COL10A1: variants seen among roughly 807,000 people sequenced by gnomAD.
The protein encoded by COL10A1 is collagen type X alpha 1 chain, also known as collagen alpha-1(X) chain.
Under a neutral mutation model 18.2 loss-of-function variants are expected in COL10A1, and 10 were observed. The observed-to-expected ratio is 0.55, with a 90% confidence interval of 0.34 to 0.93. COL10A1 has a LOEUF of 0.93. Ranked by LOEUF, COL10A1 falls within the 40% of genes least tolerant of loss-of-function variation. COL10A1 has a pLI of 0.02. For synonymous variants in COL10A1, 330 were observed against 316.6 expected (o/e 1.04, Z -0.45); for missense variants, 897 against 853.5 (o/e 1.05, Z -0.64).
intron 1 of COL10A1, chr6:116,125,713 A>T: frequency 2.5e-6 from 1 of 402,102 alleles, no homozygotes; most frequent in Non-Finnish European, 4.5e-6. Flanking sequence ...ATACTCAGGT[A>T]ATCAAGTGAA....
At position 116,125,499 on chromosome 6, in the gene COL10A1, A is replaced by C; in HGVS notation, c.-7T>G. Reference sequence around the variant, plus strand: ...AGGGTATTTGTGGCAGCATATTCTCAGATGGATTCTGAAAAACAGAAAAGA... The same window carrying C: ...AGGGTATTTGTGGCAGCATATTCTCCGATGGATTCTGAAAAACAGAAAAGA... On this transcript the variant is annotated 5_prime_UTR_variant, in exon 2 of 3. Coordinates refer to ENST00000651968, the MANE Select transcript of COL10A1 (RefSeq NM_000493.4). 2 of 1,613,524 alleles carry C rather than the reference A, an allele frequency of 1.2e-6. No individual in the cohort carries two copies. Among genetic ancestry groups the C allele is most frequent in the Non-Finnish European group, 8.5e-7 (1 of 1,179,560 alleles).
At chr6:116,124,895 A>G (rs1779246857) in intron 2 of COL10A1, among the ~76,000 whole-genome samples, 1 of 152,136 alleles carries the variant, frequency 6.6e-6, no homozygotes. Context: ...TCGGTTTTAT[A>G]TCTGTTTGTG....
chr6:116,141,755 TTTTG>T (rs749522551), intron 1 of COL10A1, among the ~76,000 whole-genome samples: 5 of 151,226 alleles, frequency 3.3e-5, no homozygotes, highest in Non-Finnish European at 5.9e-5. Context: ...CATTTTCTTC[TTTTG>T]TTTTTTTTTT....
At position 116,120,442 on chromosome 6, in the gene COL10A1, G is replaced by A; in HGVS notation, c.1674C>T (p.Leu558=). Reference sequence around the variant, plus strand: ...TTCCTATTGCTGGGTAAGCTTTGGAGAGAATAACAGTAAAAGCAGACACAG... The same window carrying A: ...TTCCTATTGCTGGGTAAGCTTTGGAAAGAATAACAGTAAAAGCAGACACAG... The part of the protein sequence containing the change: ...GMPVSAFTVI[L]SKAYPAIGTP... The change falls in exon 3 of 3, where the codon CTC becomes CTT. Residue 558 remains leucine, a synonymous_variant. Transcript: ENST00000651968. 6.2e-7 allele frequency: 1 copy of A among 1,614,266 alleles called. No individual in the cohort carries two copies. The highest frequency in any genetic ancestry group is 8.5e-7 in the Non-Finnish European group (1 of 1,180,044).
Position 116,150,595 on chromosome 6 carries a change from G to T in COL10A1, c.-16+8019C>A, listed in dbSNP as rs183767070. Among the ~76,000 whole-genome samples, 395 of 152,192 alleles carry T rather than the reference G, an allele frequency of 2.6e-3. 10 individuals are homozygous for T. The South Asian group carries it at 0.043, about 17-fold the overall frequency. ...TCACTGCACCTGGCCTTGAAAATGG[G>T]GTTTTAAATTAGAATGGGGCAGTGG... On this transcript the variant is annotated intron_variant, in intron 1 of 1. Transcript: ENST00000418500.
chr6:116,179,144 A>G, the COL10A1 span, among the ~76,000 whole-genome samples: 3 of 152,180 alleles, frequency 2.0e-5, no homozygotes, highest in African/African-American at 7.2e-5. Context: ...GGGTGGGGAT[A>G]CCAATTTATT....
At chr6:116,129,107 C>T (rs1779399148), upstream of COL10A1, among the ~76,000 whole-genome samples, 1 of 152,008 alleles carries the variant, frequency 6.6e-6, no homozygotes, top group Admixed American at 6.6e-5. Context: ...GTATATTTTT[C>T]CAGAAGAGAA....
chr6:116,153,577 T>C lies in COL10A1; in HGVS notation c.-16+5037A>G, dbSNP rs545906421. ...GTCATAAGTACCTCTGTTAGGTACT[T>C]AGTTAGGCTTCAGGAATATAGTTAC... On this transcript the variant is annotated intron_variant, in intron 1 of 1. Transcript: ENST00000418500. Among the ~76,000 whole-genome samples the C allele has an allele frequency of 2.4e-4, 37 of 152,262 alleles. 1 individual carries two copies. The South Asian group carries it at 7.5e-3, about 31-fold the overall frequency.
chr6:116,173,564 G>A, the COL10A1 span, among the ~76,000 whole-genome samples: 7 of 152,194 alleles, frequency 4.6e-5, no homozygotes, highest in Middle Eastern at 3.4e-3. Context: ...GAGCGAGGGC[G>A]AGTGTGCTCC....
At position 116,156,825 on chromosome 6, in the gene COL10A1, A is replaced by ACGTC. The variant is rs560943453; in HGVS notation, c.-16+1785_-16+1788dup. Among the ~76,000 whole-genome samples the ACGTC allele has an allele frequency of 4.9e-3, 751 of 152,258 alleles. 11 individuals are homozygous for ACGTC. Among genetic ancestry groups the ACGTC allele is most frequent in the South Asian group, 0.045 (219 of 4,822 alleles). On this transcript the variant is annotated intron_variant, in intron 1 of 1. Transcript: ENST00000418500. ...TCAGATAGCAATAATTTTGTGCTTC[A>ACGTC]CGTCCTCTCCCCAGGCCACCCCACG...
chr6:116,128,157 A>G (rs60491506), upstream of COL10A1, among the ~76,000 whole-genome samples: 5,942 of 152,208 alleles, frequency 0.039, 327 homozygotes, highest in African/African-American at 0.12. Context: ...TTGTCATTCT[A>G]TACTCCCCTT....
At chr6:116,174,403 T>C in the COL10A1 span, among the ~76,000 whole-genome samples, 7 of 152,210 alleles carry the variant, frequency 4.6e-5, no homozygotes, top group Non-Finnish European at 8.8e-5. Flanking sequence ...GCAGTGTTAA[T>C]TCTTCCCCTC....
chr6:116,153,770 A>G (rs1252588810), intron 1 of COL10A1, among the ~76,000 whole-genome samples: 1 of 152,158 alleles, frequency 6.6e-6, no homozygotes, highest in Non-Finnish European at 1.5e-5. Flanking sequence ...TGTTTTATGC[A>G]ATGATATGAA....
chr6:116,178,212 A>C, the COL10A1 span, among the ~76,000 whole-genome samples: 1 of 151,840 alleles, frequency 6.6e-6, no homozygotes, highest in South Asian at 2.1e-4. Flanking sequence ...GTTTGCTTGA[A>C]ACCCACAAGC....
the COL10A1 span, among the ~76,000 whole-genome samples, chr6:116,166,630 T>C: frequency 6.6e-6 from 1 of 152,204 alleles, no homozygotes; most frequent in African/African-American, 2.4e-5. Flanking sequence ...CTGACATCCT[T>C]TTCTACATGC....
At chr6:116,186,118 T>G in the COL10A1 span, among the ~76,000 whole-genome samples, 1 of 152,092 alleles carries the variant, frequency 6.6e-6, no homozygotes, top group East Asian at 1.9e-4. Context: ...TGTCTTCCCT[T>G]CATTTATGAA....
upstream of COL10A1, among the ~76,000 whole-genome samples, chr6:116,129,469 A>G (rs1217687692): frequency 6.6e-6 from 1 of 152,142 alleles, no homozygotes; most frequent in African/African-American, 2.4e-5. Context: ...TAAATGGATT[A>G]ATGTTATTGT....
the COL10A1 span, among the ~76,000 whole-genome samples, chr6:116,203,876 T>C: frequency 6.6e-6 from 1 of 151,966 alleles, no homozygotes; most frequent in Admixed American, 6.6e-5. Flanking sequence ...CTTGATGTTG[T>C]CAGAAATATT....
Position 116,121,252 on chromosome 6 carries a change from T to C in COL10A1, c.864A>G (p.Gly288=). The change falls in exon 3 of 3, where the codon GGA becomes GGG. Residue 288 remains glycine (G), a synonymous_variant. Coordinates refer to ENST00000651968, the MANE Select transcript of COL10A1 (RefSeq NM_000493.4). ...PGTKGLPGAP[G]IAGPPGPPGF... ...CAGGAGGCCCTGGGGGCCCAGCTAT[T>C]CCTGGAGCCCCAGGGAGACCTTTTG... is the stretch of plus-strand genomic sequence containing the variant. The C allele has an allele frequency of 1.2e-6, 2 of 1,613,828 alleles. No homozygotes were observed. The highest frequency in any genetic ancestry group is 1.7e-6 in the Non-Finnish European group (2 of 1,179,920).
Sources: allele counts gnomAD v4.1 joint callset (sites outside exome capture counted in the v4.1 genomes callset), GRCh38; gene constraint gnomAD v4.1.1; transcripts MANE v1.5; gene names NCBI Gene and HGNC (gene_info 2026-07-23, HGNC 2026-07-21).